ALDH3B1: variants seen among roughly 807,000 people sequenced by gnomAD.
ALDH3B1 encodes the protein aldehyde dehydrogenase family 3 member B1.
Under a neutral mutation model 46.2 loss-of-function variants are expected in ALDH3B1, and 37 were observed. The observed-to-expected ratio is 0.80, with a 90% CI of 0.62 to 1.05. ALDH3B1 has a LOEUF of 1.05. Ranked by LOEUF, ALDH3B1 falls within the 50% of genes least tolerant of loss-of-function variation. The probability of loss-of-function intolerance (pLI) is 0.00; values close to 1 mark genes in which losing one functional copy is unlikely to be tolerated. For synonymous variants in ALDH3B1, 283 were observed against 281.0 expected, an observed-to-expected ratio of 1.01 and a Z score of -0.07; for missense variants, 603 against 665.5, an observed-to-expected ratio of 0.91 and a Z score of 1.03.
intron 5 of ALDH3B1, 121 bp from the exon 6 acceptor site, chr11:68,019,594 A>G: frequency 4.5e-6 from 5 of 1,100,232 alleles, no homozygotes; most frequent in Non-Finnish European, 6.6e-6. Flanking sequence ...ACCCTCCTAG[A>G]GCCCTGGCTG....
At chr11:68,025,977 G>C (rs1410547758) in intron 8 of ALDH3B1, 32 bp from the exon 9 acceptor site, 5 of 1,494,158 alleles carry the variant, frequency 3.3e-6, no homozygotes, top group Non-Finnish European at 4.5e-6. Context: ...TGGGGCTCAA[G>C]GCAGCCTCAC....
chr11:68,026,786 G>A (rs1056964317), intron 9 of ALDH3B1, among the ~76,000 whole-genome samples: 2 of 152,214 alleles, frequency 1.3e-5, no homozygotes, highest in African/African-American at 4.8e-5. Context: ...CACAGTGAAC[G>A]ATGGCAGGGC....
chr11:68,021,870 C>G lies in ALDH3B1; in HGVS notation c.948C>G (p.Ile316Met), dbSNP rs532748788. ...AGAGCGATGAGAGCGATCGCTACAT[C>G]GGTGAGTCCTGCTGCCCCTACCACA... ...GGQSDESDRY[I>M]APTVLVDVQE... The change falls in exon 7 of 10, where the codon ATC (isoleucine) becomes ATG (methionine). Residue 316 changes from isoleucine to methionine, a missense_variant and splice_region_variant. By Grantham distance (10) the Ile-to-Met change is conservative. Coordinates refer to ENST00000342456, the MANE Select transcript of ALDH3B1 (RefSeq NM_000694.4). The G allele has an allele frequency of 4.4e-6, 7 of 1,597,740 alleles. No individual in the cohort carries two copies. In the Admixed American group the frequency reaches 1.0e-4, roughly 23 times the overall value.
intron 8 of ALDH3B1, among the ~76,000 whole-genome samples, chr11:68,023,726 C>T (rs1426998639): frequency 6.6e-6 from 1 of 152,044 alleles, no homozygotes; most frequent in Non-Finnish European, 1.5e-5. Context: ...TTTAATGGTG[C>T]TTAGATGGGT....
In ALDH3B1 at chr11:68,021,822, C is replaced by CG. The variant is rs1857506458; in HGVS notation, c.902dup (p.Arg302ProfsTer10). On this transcript the variant is annotated frameshift_variant, in exon 7 of 10. Transcript: ENST00000342456. LOFTEE classifies it high-confidence loss of function. ...AGCGGCTGCGGGCATTGCTGGGCTG[C>CG]GGCCGTGTGGCCATTGGGGGCCAGA... 1.2e-6 allele frequency: 2 copies of CG among 1,613,838 alleles called. No homozygotes were observed. Among genetic ancestry groups the CG allele is most frequent in the Non-Finnish European group, 1.7e-6 (2 of 1,179,910 alleles).
At chr11:68,016,674 GC>G in intron 2 of ALDH3B1, 1 of 153,298 alleles carries the variant, frequency 6.5e-6, no homozygotes, top group Non-Finnish European at 1.5e-5. Context: ...CCCAGGGGCT[GC>G]CCCCGGCTCC....
chr11:68,010,803 C>A (rs1482193035), intron 1 of ALDH3B1, among the ~76,000 whole-genome samples: 1 of 152,228 alleles, frequency 6.6e-6, no homozygotes, highest in Non-Finnish European at 1.5e-5. Flanking sequence ...TGGGCACCAG[C>A]CTGCATGCCC....
chr11:68,015,612 C>G (rs894804931), intron 2 of ALDH3B1, 153 bp downstream of exon 2: 4 of 961,526 alleles, frequency 4.2e-6, no homozygotes, highest in Non-Finnish European at 6.5e-6. Context: ...GCACATTCAT[C>G]CAGTCACTTA....
chr11:68,018,296 T>C, intron 2 of ALDH3B1: 1 of 557,970 alleles, frequency 1.8e-6, no homozygotes, highest in Non-Finnish European at 3.2e-6. Context: ...CGTTCTCACT[T>C]TCACATGGAA....
intron 4 of ALDH3B1, 109 bp downstream of exon 4, chr11:68,019,002 C>A: frequency 6.8e-7 from 1 of 1,475,340 alleles, no homozygotes; most frequent in South Asian, 1.3e-5. Context: ...GCAAAGAGGA[C>A]TGTCTGGTCC....
rs186248863 is a variant in ALDH3B1 at position 68,028,127 on chromosome 11, G to A, written c.*188G>A. On this transcript the variant is annotated 3_prime_UTR_variant, in exon 10 of 10. Transcript: ENST00000342456. ...CCTGCCTCAGCCTCCTCCCTCAGCCGCTCCCAACCATGAGAGCCGAGGTGG... is the reference window on the plus strand; with the variant it reads ...CCTGCCTCAGCCTCCTCCCTCAGCCACTCCCAACCATGAGAGCCGAGGTGG... 11 of 843,446 alleles carry A rather than the reference G, an allele frequency of 1.3e-5. No individual in the cohort carries two copies. Among genetic ancestry groups the A allele is most frequent in the South Asian group, 2.7e-5 (2 of 74,410 alleles). 52.2% of individuals were successfully genotyped at this position (843,446 alleles called of 1,614,324 possible).
Position 68,027,972 on chromosome 11 carries a change from T to G in ALDH3B1, c.*33T>G, listed in dbSNP as rs144879452. 2 of 1,557,080 alleles carry G rather than the reference T, an allele frequency of 1.3e-6. No homozygotes were observed. Among genetic ancestry groups the G allele is most frequent in the South Asian group, 2.3e-5 (2 of 85,678 alleles). On this transcript the variant is annotated 3_prime_UTR_variant, in exon 10 of 10. Coordinates refer to ENST00000342456, the MANE Select transcript of ALDH3B1 (RefSeq NM_000694.4). ...CCCAGGCCCAGGCTGTAGACCACCA[T>G]GACAGCTGTCGCCTGCGGCTGGTGG... is the stretch of plus-strand genomic sequence containing the variant.
intron 1 of ALDH3B1, 124 bp downstream of exon 1, chr11:68,010,516 A>G (rs1335256406): frequency 6.6e-6 from 1 of 152,386 alleles, no homozygotes; most frequent in Non-Finnish European, 1.5e-5. Context: ...CTCAGAGGCC[A>G]CTGTGTCCTG....
At chr11:68,023,767 C>T (rs923028690) in intron 8 of ALDH3B1, among the ~76,000 whole-genome samples, 4 of 151,710 alleles carry the variant, frequency 2.6e-5, no homozygotes, top group East Asian at 3.9e-4. Context: ...CAGGGCTGGG[C>T]GCGGTGGCTC....
rs369340202 is a variant in ALDH3B1 at position 68,019,753 on chromosome 11, G to T, written c.519G>T (p.Thr173=). ...FAVVLGGPQE[T]GQLLEHRFDY... is the part of the protein sequence containing the mutation. ...TGGTGCTGGGCGGGCCCCAGGAGAC[G>T]GGGCAGCTGCTAGAGCACAGGTTCG... Residue 173 remains threonine, a synonymous_variant, in exon 6 of 10, where the codon ACG becomes ACT. Transcript: ENST00000342456. The T allele has an allele frequency of 6.2e-6, 10 of 1,614,020 alleles. No homozygotes were observed. Among genetic ancestry groups the T allele is most frequent in the Middle Eastern group, 1.6e-4 (1 of 6,082 alleles).
At chr11:68,018,154 A>ACG (rs1419251384) in intron 2 of ALDH3B1, 1 of 216,690 alleles carries the variant, frequency 4.6e-6, no homozygotes, top group African/African-American at 2.3e-5. Context: ...AAAACAGCAC[A>ACG]CACACACATG....
rs1294217013 is a variant in ALDH3B1, at chr11:68,018,557, G to A, written c.193G>A (p.Ala65Thr). The A allele has an allele frequency of 2.5e-6, 4 of 1,572,450 alleles. No individual in the cohort carries two copies. The South Asian group carries it at 3.5e-5, about 14-fold the overall frequency. Residue 65 changes from alanine (A) to threonine (T), a missense_variant, in exon 3 of 10, where the codon GCC becomes ACC. Coordinates refer to ENST00000342456, the MANE Select transcript of ALDH3B1 (RefSeq NM_000694.4). ...CTTCGAGTCGGAGGTGTCTGAGGTTGCCATCAGCCAGGGCGAGGTCACCCT... is the reference window on the plus strand; with the variant it reads ...CTTCGAGTCGGAGGTGTCTGAGGTTACCATCAGCCAGGGCGAGGTCACCCT... ...SAFESEVSEV[A>T]ISQGEVTLAL... is the part of the protein sequence containing the mutation.
chr11:68,024,397 A>G (rs1857576372), intron 8 of ALDH3B1: 1 of 152,250 alleles, frequency 6.6e-6, no homozygotes, highest in Admixed American at 6.5e-5. Context: ...CACCCTCACC[A>G]GGTGGAGGTA....
chr11:68,027,181 G>A (rs1023480380), intron 9 of ALDH3B1, among the ~76,000 whole-genome samples: 2 of 151,968 alleles, frequency 1.3e-5, no homozygotes, highest in African/African-American at 4.8e-5. Flanking sequence ...GGTCCCTCTT[G>A]CCCCCACCCA....
Sources: gnomAD v4.1 joint callset for allele counts (sites outside exome capture counted in the v4.1 genomes callset) on GRCh38, gnomAD v4.1.1 for gene constraint, MANE v1.5 for transcripts, NCBI Gene and HGNC (gene_info 2026-07-23, HGNC 2026-07-21) for gene names.